Variants in NPTN observed in about 807,000 individuals in gnomAD.
NPTN encodes neuroplastin, also known as SDR-1.
In NPTN, 5 loss-of-function variants were observed where a neutral mutation model predicts 42.7. That is an observed-to-expected ratio of 0.12 (90% CI 0.06 to 0.25). The LOEUF (loss-of-function observed/expected upper bound fraction) is 0.25, where lower values mean the gene tolerates loss of function less well. Among genes scored for constraint, NPTN ranks in the 10% least tolerant of loss-of-function variants. NPTN has a pLI of 1.00. For synonymous variants in NPTN, 180 were observed against 201.9 expected (o/e 0.89, Z 0.92); for missense variants, 307 against 525.4 (o/e 0.58, Z 4.06).
chr15:73,619,062 C>CAAAAAAAA (rs61683372), intron 1 of NPTN, among the ~76,000 whole-genome samples: 1 of 61,166 alleles, frequency 1.6e-5, no homozygotes, highest in Non-Finnish European at 3.7e-5. Flanking sequence ...GACCCTGTCT[C>CAAAAAAAA]AAAAAAAAAA....
intron 1 of NPTN, among the ~76,000 whole-genome samples, chr15:73,607,576 C>G (rs1383824289): frequency 6.6e-6 from 1 of 152,144 alleles, no homozygotes; most frequent in Non-Finnish European, 1.5e-5. Flanking sequence ...TCAGAAACCA[C>G]AGAGTCAAAA....
At chr15:73,581,422 A>G (rs956857621) in intron 4 of NPTN, among the ~76,000 whole-genome samples, 32 of 152,274 alleles carry the variant, frequency 2.1e-4, no homozygotes, top group African/African-American at 6.3e-4. Context: ...AAAGTAACAA[A>G]AAGACCCTTA....
At chr15:73,627,353 G>A (rs775202171) in intron 1 of NPTN, among the ~76,000 whole-genome samples, 2 of 152,220 alleles carry the variant, frequency 1.3e-5, no homozygotes, top group African/African-American at 2.4e-5. Flanking sequence ...TTTCAGAAAT[G>A]CAAGAGAATA....
intron 1 of NPTN, among the ~76,000 whole-genome samples, chr15:73,605,923 G>A (rs937195607): frequency 6.6e-6 from 1 of 151,922 alleles, no homozygotes; most frequent in African/African-American, 2.4e-5. Context: ...TGGCCATCAT[G>A]CGGTGGCTCA....
Position 73,569,654 on chromosome 15 carries a change from G to T in NPTN, c.1114+496C>A. The T allele has an allele frequency of 2.9e-5, 29 of 985,430 alleles. No homozygotes were observed. The highest frequency in any genetic ancestry group is 3.3e-5 in the Non-Finnish European group (27 of 829,944). 61.0% of individuals were successfully genotyped at this position (985,430 alleles called of 1,614,324 possible). On this transcript the variant is annotated intron_variant, in intron 6 of 8. Coordinates refer to ENST00000345330, the MANE Select transcript of NPTN (RefSeq NM_012428.4). This position sits in a 1 kb window ranked among gnomAD's most constrained non-coding sequence, Gnocchi z 4.1. ...GGCTTTTCTGAGAACAGTCTGACTG[G>T]GCTGGGGCAGTTACCTACAGGGGCT...
chr15:73,613,489 T>C (rs1897694216), intron 1 of NPTN, among the ~76,000 whole-genome samples: 1 of 152,100 alleles, frequency 6.6e-6, no homozygotes, highest in Non-Finnish European at 1.5e-5. Context: ...CAAAGATCAA[T>C]GAACAGTAAT....
In NPTN at chr15:73,633,165, G is replaced by A. The variant is rs924373078; in HGVS notation, c.51C>T (p.Val17=). 7 of 1,517,616 alleles carry A rather than the reference G, an allele frequency of 4.6e-6. No homozygotes were observed. The highest frequency in any genetic ancestry group is 1.3e-5 in the South Asian group (1 of 79,846). 94.0% of individuals were successfully genotyped at this position (1,517,616 alleles called of 1,614,324 possible). ...PSALALSLLL[V]SGSLLPGPGA... ...CTGGCCCTGGGAGGAGGGAGCCAGA[G>A]ACCAGCAACAGCGAGAGGGCCAGGG... The change falls in exon 1 of 9, where the codon GTC becomes GTT. Residue 17 remains valine, a synonymous_variant. Transcript: ENST00000345330.
chr15:73,581,259 G>A (rs1471045031), intron 4 of NPTN, among the ~76,000 whole-genome samples: 1 of 152,140 alleles, frequency 6.6e-6, no homozygotes, highest in Non-Finnish European at 1.5e-5. Context: ...TTTAATAAGG[G>A]ACTGCTTAAC....
At chr15:73,605,105 G>C (rs867196191) in intron 1 of NPTN, among the ~76,000 whole-genome samples, 1 of 146,044 alleles carries the variant, frequency 6.8e-6, no homozygotes. Flanking sequence ...CTCAAGGGGG[G>C]GGGGGGAAAA....
At chr15:73,631,881 C>T (rs75362911) in intron 1 of NPTN, among the ~76,000 whole-genome samples, 1 of 152,170 alleles carries the variant, frequency 6.6e-6, no homozygotes, top group African/African-American at 2.4e-5. Context: ...CTGTTTAGGT[C>T]CCTATGCCCA....
chr15:73,599,641 GA>G (rs1896995557), intron 1 of NPTN: 1 of 122,612 alleles, frequency 8.2e-6, no homozygotes, highest in African/African-American at 3.1e-5. Context: ...AAGAAAGAAA[GA>G]AAAGGAAGGG....
chr15:73,612,186 A>T (rs1030155575), intron 1 of NPTN, among the ~76,000 whole-genome samples: 4 of 152,220 alleles, frequency 2.6e-5, no homozygotes, highest in African/African-American at 9.6e-5. Flanking sequence ...GGGAAGGCCA[A>T]GGCAGGAGGA....
chr15:73,588,940 T>C (rs1257178566), intron 3 of NPTN, among the ~76,000 whole-genome samples: 1 of 152,084 alleles, frequency 6.6e-6, no homozygotes, highest in Non-Finnish European at 1.5e-5. Context: ...GGCAGGGGAA[T>C]GAATAAATGA....
At chr15:73,620,368 C>T (rs1898075530) in intron 1 of NPTN, among the ~76,000 whole-genome samples, 1 of 152,196 alleles carries the variant, frequency 6.6e-6, no homozygotes, top group Non-Finnish European at 1.5e-5. Context: ...TCAGAGGACA[C>T]TTACAAGTAC....
chr15:73,591,332 T>C (rs1896577682), intron 3 of NPTN, among the ~76,000 whole-genome samples: 1 of 152,202 alleles, frequency 6.6e-6, no homozygotes, highest in East Asian at 1.9e-4. Context: ...GAACAAACTA[T>C]TCTGCAAGGT....
At chr15:73,620,650 T>C (rs1030609189) in intron 1 of NPTN, among the ~76,000 whole-genome samples, 1 of 152,230 alleles carries the variant, frequency 6.6e-6, no homozygotes, top group African/African-American at 2.4e-5. Flanking sequence ...TAACACAAAG[T>C]ATTCTTGCAT....
chr15:73,613,183 T>C (rs1566985794), intron 1 of NPTN, among the ~76,000 whole-genome samples: 1 of 152,140 alleles, frequency 6.6e-6, no homozygotes, highest in African/African-American at 2.4e-5. Flanking sequence ...TTAAAAACCT[T>C]CCCCAAAACC....
chr15:73,593,107 G>C (rs1456416722), intron 2 of NPTN, among the ~76,000 whole-genome samples: 2 of 152,098 alleles, frequency 1.3e-5, no homozygotes, highest in Non-Finnish European at 2.9e-5. Context: ...TCTGCGCTTA[G>C]ATAACCTGGG....
At chr15:73,586,612 C>A (rs1896331939) in intron 4 of NPTN, among the ~76,000 whole-genome samples, 1 of 152,162 alleles carries the variant, frequency 6.6e-6, no homozygotes, top group South Asian at 2.1e-4. Context: ...TTTAGGAAGA[C>A]CTGAATACCT....
Sources: gnomAD v4.1 joint callset for allele counts (sites outside exome capture counted in the v4.1 genomes callset) on GRCh38, gnomAD v4.1.1 for gene constraint, Gnocchi (gnomAD v3.1) non-coding constraint, MANE v1.5 for transcripts, NCBI Gene and HGNC (gene_info 2026-07-23, HGNC 2026-07-21) for gene names.